ME3: variants seen among roughly 807,000 people sequenced by gnomAD.
ME3 encodes the protein NADP-dependent malic enzyme, mitochondrial.
In ME3, 48 loss-of-function variants were observed where a neutral mutation model predicts 68.9. That is an observed-to-expected ratio of 0.70 (90% CI 0.55 to 0.89). ME3 has a LOEUF of 0.89. ME3 is among the 40% of genes least tolerant of loss of function. ME3 has a pLI of 0.00. For synonymous variants in ME3, 320 were observed against 318.8 expected, an observed-to-expected ratio of 1.00 and a Z score of -0.04; for missense variants, 675 against 797.4, an observed-to-expected ratio of 0.85 and a Z score of 1.85.
chr11:86,555,948 G>A (rs1006181495), intron 4 of ME3, among the ~76,000 whole-genome samples: 4 of 151,984 alleles, frequency 2.6e-5, no homozygotes, highest in Non-Finnish European at 5.9e-5. Flanking sequence ...CTTGCACCAA[G>A]GACTCTACCA....
intron 3 of ME3, among the ~76,000 whole-genome samples, chr11:86,558,865 A>G (rs1202182430): frequency 2.0e-5 from 3 of 152,184 alleles, no homozygotes; most frequent in Non-Finnish European, 4.4e-5. Context: ...CCAATGGGAA[A>G]AGACCCATAG....
intron 4 of ME3, among the ~76,000 whole-genome samples, chr11:86,539,381 G>A (rs1329979687): frequency 1.3e-5 from 2 of 152,056 alleles, no homozygotes; most frequent in Non-Finnish European, 2.9e-5. Context: ...CTCATTACTT[G>A]CAAAGTAAAC....
chr11:86,446,452 CTT>C lies in ME3; in HGVS notation c.1414_1415del (p.Lys472GlufsTer39). The C allele has an allele frequency of 6.2e-7, 1 of 1,614,226 alleles. No homozygotes were observed. Among genetic ancestry groups the C allele is most frequent in the Non-Finnish European group, 8.5e-7 (1 of 1,180,052 alleles). On this transcript the variant is annotated frameshift_variant, in exon 13 of 15. Coordinates refer to ENST00000543262, the Ensembl canonical transcript of ME3. LOFTEE classifies it high-confidence loss of function. ...TCTTGCCATCTTCCAGAGTCACACTCTTAAAAGGACTTCCACTGGCAAAAATC... is the reference window on the plus strand; with the variant it reads ...TCTTGCCATCTTCCAGAGTCACACTCAAAAGGACTTCCACTGGCAAAAATC...
intron 4 of ME3, among the ~76,000 whole-genome samples, chr11:86,528,759 A>G (rs375347317): frequency 0.098 from 14,556 of 148,610 alleles, 766 homozygotes; most frequent in African/African-American, 0.12. Flanking sequence ...AATGACTACT[A>G]GGTACATAAC....
chr11:86,595,190 TAAAG>T (rs1419022844), intron 2 of ME3, among the ~76,000 whole-genome samples: 5 of 144,286 alleles, frequency 3.5e-5, no homozygotes, highest in East Asian at 2.4e-4. Flanking sequence ...AAAATATAAA[TAAAG>T]AAATAAAATA....
intron 6 of ME3, among the ~76,000 whole-genome samples, chr11:86,496,399 C>T (rs1463266142): frequency 1.6e-5 from 2 of 124,602 alleles, no homozygotes; most frequent in Non-Finnish European, 3.3e-5. Flanking sequence ...GAGGGAGAGT[C>T]TGTCTCAAAA....
chr11:86,548,531 T>C (rs2139397892), intron 4 of ME3, among the ~76,000 whole-genome samples: 1 of 152,268 alleles, frequency 6.6e-6, no homozygotes, highest in South Asian at 2.1e-4. Context: ...GAATCAGAGC[T>C]CTCAGCAAAA....
At chr11:86,602,704 A>G (rs1359750961) in intron 2 of ME3, among the ~76,000 whole-genome samples, 2 of 152,240 alleles carry the variant, frequency 1.3e-5, no homozygotes, top group Non-Finnish European at 2.9e-5. Flanking sequence ...ACTTCAAACT[A>G]TACTGCAAGG....
At chr11:86,467,647 T>G (rs1285015343) in intron 7 of ME3, among the ~76,000 whole-genome samples, 1 of 127,880 alleles carries the variant, frequency 7.8e-6, no homozygotes, top group Non-Finnish European at 1.7e-5. Flanking sequence ...TCTCTGTGTG[T>G]CTGTCTCTCT....
At chr11:86,528,587 AT>A (rs1954953143) in intron 4 of ME3, among the ~76,000 whole-genome samples, 1 of 152,188 alleles carries the variant, frequency 6.6e-6, no homozygotes, top group African/African-American at 2.4e-5. Flanking sequence ...CTACTCCAAA[AT>A]TGACCACATA....
At chr11:86,654,032 C>T (rs1945673222) in intron 2 of ME3, among the ~76,000 whole-genome samples, 1 of 152,122 alleles carries the variant, frequency 6.6e-6, no homozygotes, top group Non-Finnish European at 1.5e-5. Flanking sequence ...TACACCCTCC[C>T]AAGACTAAAC....
intron 7 of ME3, among the ~76,000 whole-genome samples, chr11:86,475,874 T>TATATATATATAG: frequency 9.8e-5 from 9 of 91,474 alleles, no homozygotes; most frequent in South Asian, 4.1e-4. Flanking sequence ...TATATATATA[T>TATATATATATAG]AGAGAGAGAG....
chr11:86,644,166 G>A (rs1019875763), intron 2 of ME3, among the ~76,000 whole-genome samples: 2 of 152,040 alleles, frequency 1.3e-5, no homozygotes, highest in Admixed American at 1.3e-4. Flanking sequence ...GGGCAGCCCC[G>A]GTTGCTCTAC....
At chr11:86,462,663 G>A (rs1181973052) in intron 8 of ME3, 1 of 1,175,696 alleles carries the variant, frequency 8.5e-7, no homozygotes, top group Non-Finnish European at 1.1e-6. Flanking sequence ...CATGTAGCAG[G>A]CGCGGTGCTG....
chr11:86,558,608 C>G (rs367572329), intron 3 of ME3, among the ~76,000 whole-genome samples: 3 of 152,128 alleles, frequency 2.0e-5, no homozygotes, highest in Non-Finnish European at 4.4e-5. Context: ...CTCAGGGACC[C>G]GAAGTCTTGG....
chr11:86,656,102 G>A (rs987002367), intron 2 of ME3, among the ~76,000 whole-genome samples: 130 of 150,578 alleles, frequency 8.6e-4, no homozygotes, highest in African/African-American at 3.1e-3. Context: ...GGAAACAACA[G>A]GTGCTGGAGA....
exon 4 of ME3, chr11:86,556,675 G>C (rs1328893961): frequency 1.2e-6 from 2 of 1,614,096 alleles, no homozygotes; most frequent in Non-Finnish European, 1.7e-6. Flanking sequence ...TCTCGTTCCG[G>C]TCTTGGAGTG....
intron 2 of ME3, among the ~76,000 whole-genome samples, chr11:86,657,408 A>C (rs937454949): frequency 3.0e-5 from 4 of 133,902 alleles, no homozygotes; most frequent in Non-Finnish European, 6.2e-5. Flanking sequence ...CATAAGTGGG[A>C]GTTGAACAAT....
rs547499666 is a variant in ME3, at chr11:86,670,412, C to CGT, written c.183+1348_183+1349dup. The stretch of plus-strand genomic sequence containing the variant: ...TGCCATCTGGGCTTGTGGTTCAAGC[C>CGT]GTGCCTGCAACCCTTCCTCTAGATT... On this transcript the variant is annotated intron_variant, in intron 2 of 14. Transcript: ENST00000543262. Among the ~76,000 whole-genome samples the CGT allele has an allele frequency of 2.0e-4, 30 of 152,286 alleles. No individual in the cohort carries two copies. The East Asian group carries it at 5.6e-3, about 28-fold the overall frequency.
Sources: allele counts gnomAD v4.1 joint callset (sites outside exome capture counted in the v4.1 genomes callset), GRCh38; gene constraint gnomAD v4.1.1; transcripts MANE v1.5; gene names NCBI Gene and HGNC (gene_info 2026-07-23, HGNC 2026-07-21).